The following SEMA3A variants were observed in gnomAD, a reference collection of about 807,000 sequenced individuals.
The protein encoded by SEMA3A is semaphorin-3A.
Under a neutral mutation model 97.9 loss-of-function variants are expected in SEMA3A, and 29 were observed. That is an observed-to-expected ratio of 0.30 (90% CI 0.22 to 0.40). SEMA3A has a LOEUF of 0.40. Among genes scored for constraint, SEMA3A ranks in the 10% least tolerant of loss-of-function variants. The pLI is 1.00. For synonymous variants in SEMA3A, 321 were observed against 323.7 expected (o/e 0.99, Z 0.09); for missense variants, 763 against 951.3 (o/e 0.80, Z 2.60).
chr7:84,064,208 C>A (rs1053518924), intron 4 of SEMA3A, among the ~76,000 whole-genome samples: 2 of 151,962 alleles, frequency 1.3e-5, no homozygotes, highest in South Asian at 2.1e-4. Context: ...ACTTTACAGA[C>A]AAGCAAATGC....
chr7:84,264,993 A>G (rs1248166850), intron 3 of SEMA3A, among the ~76,000 whole-genome samples: 2 of 152,016 alleles, frequency 1.3e-5, no homozygotes, highest in Admixed American at 6.6e-5. Context: ...TCCCTAGTAC[A>G]CTAAGGCTCT....
intron 4 of SEMA3A, among the ~76,000 whole-genome samples, chr7:84,108,669 G>T (rs934860508): frequency 1.3e-5 from 2 of 152,118 alleles, no homozygotes; most frequent in Admixed American, 1.3e-4. Flanking sequence ...ACTTTGGGAG[G>T]CTGAGGTGGG....
intron 6 of SEMA3A, among the ~76,000 whole-genome samples, chr7:84,016,287 C>A (rs150067434): frequency 0.05 from 7,584 of 152,122 alleles, 285 homozygotes; most frequent in East Asian, 0.19. Flanking sequence ...CGCCTGTAAT[C>A]CCTGCACTTT....
Position 84,356,612 on chromosome 7 carries a change from A to C in SEMA3A, c.-169+15212T>G, listed in dbSNP as rs1414684274. ...GAATCATTATGAAATCCAAAGCTTT[A>C]CAATATGCATTTTAGTAAGAAAATA... On this transcript the variant is annotated intron_variant, in intron 2 of 3. Transcript: ENST00000424555. 5.9e-5 allele frequency among the ~76,000 whole-genome samples: 9 copies of C among 152,006 alleles called. No individual in the cohort carries two copies. In the East Asian group the frequency reaches 1.7e-3, roughly 29 times the overall value.
chr7:84,330,588 T>C (rs930332065), intron 2 of SEMA3A, among the ~76,000 whole-genome samples: 4 of 151,940 alleles, frequency 2.6e-5, no homozygotes, highest in Admixed American at 1.3e-4. Flanking sequence ...ACTGGAAGGG[T>C]ATTACCTAGT....
chr7:84,188,282 G>T (rs1453817820), intron 1 of SEMA3A, among the ~76,000 whole-genome samples: 1 of 151,938 alleles, frequency 6.6e-6, no homozygotes, highest in African/African-American at 2.4e-5. Context: ...AGTATAAATT[G>T]TATATTTCCT....
intron 3 of SEMA3A, among the ~76,000 whole-genome samples, chr7:84,275,738 T>C (rs1347020010): frequency 6.6e-6 from 1 of 152,106 alleles, no homozygotes; most frequent in Non-Finnish European, 1.5e-5. Context: ...GAAATGTTGC[T>C]AGTCTAAGTT....
At chr7:84,025,387 A>C (rs1454502306) in intron 6 of SEMA3A, among the ~76,000 whole-genome samples, 2 of 152,194 alleles carry the variant, frequency 1.3e-5, no homozygotes, top group African/African-American at 4.8e-5. Context: ...TTCCCTTTTC[A>C]GCTATGCCAC....
At chr7:84,437,366 A>G (rs917096222) in intron 1 of SEMA3A, among the ~76,000 whole-genome samples, 1 of 151,990 alleles carries the variant, frequency 6.6e-6, no homozygotes, top group Non-Finnish European at 1.5e-5. Flanking sequence ...TCTCCCTTGA[A>G]TGTTTATTTC....
intron 1 of SEMA3A, among the ~76,000 whole-genome samples, chr7:84,395,338 A>G (rs1803698041): frequency 6.9e-6 from 1 of 144,218 alleles, no homozygotes. Context: ...ATGCATAGAT[A>G]CAAATCAAGA....
intron 3 of SEMA3A, among the ~76,000 whole-genome samples, chr7:84,214,527 G>A (rs1798699916): frequency 6.6e-6 from 1 of 151,952 alleles, no homozygotes; most frequent in Non-Finnish European, 1.5e-5. Flanking sequence ...TGTATACAGG[G>A]AACAGTTGAA....
At chr7:84,151,331 G>A (rs2116119763) in intron 1 of SEMA3A, among the ~76,000 whole-genome samples, 1 of 151,166 alleles carries the variant, frequency 6.6e-6, no homozygotes, top group African/African-American at 2.4e-5. Flanking sequence ...CAAAGAAATT[G>A]AAAACTTTGA....
chr7:84,141,868 A>G (rs541892929), intron 1 of SEMA3A, among the ~76,000 whole-genome samples: 2 of 152,182 alleles, frequency 1.3e-5, no homozygotes, highest in East Asian at 3.9e-4. Context: ...ACATGGTCTC[A>G]ATTTTTATGG....
At chr7:83,992,912 C>G (rs548763858) in intron 12 of SEMA3A, among the ~76,000 whole-genome samples, 16 of 150,886 alleles carry the variant, frequency 1.1e-4, no homozygotes, top group South Asian at 1.1e-3. Flanking sequence ...AATGTTGACA[C>G]TGGGGTGTTA....
Position 83,990,344 on chromosome 7 carries a change from T to C in SEMA3A, c.1453-4867A>G, listed in dbSNP as rs1300792533. 2.6e-5 allele frequency among the ~76,000 whole-genome samples: 4 copies of C among 152,064 alleles called. No homozygotes were observed. The East Asian group carries it at 5.8e-4, about 22-fold the overall frequency. ...TTAATTAGATCCCATTTGTCAATTT[T>C]GGCTTTTGTTGCCATGGCTTTTGGT... On this transcript the variant is annotated intron_variant, in intron 12 of 16. Transcript: ENST00000265362.
At chr7:84,349,153 T>A (rs1802377164) in intron 2 of SEMA3A, among the ~76,000 whole-genome samples, 1 of 152,186 alleles carries the variant, frequency 6.6e-6, no homozygotes, top group South Asian at 2.1e-4. Context: ...AGGAGTTACA[T>A]GATCTATTCA....
chr7:84,229,858 T>C (rs1001334730), intron 3 of SEMA3A, among the ~76,000 whole-genome samples: 10 of 152,004 alleles, frequency 6.6e-5, no homozygotes, highest in East Asian at 3.9e-4. Context: ...ATAAAAACAA[T>C]TGTAGTAAAG....
chr7:84,370,793 C>T (rs978654589), intron 2 of SEMA3A, among the ~76,000 whole-genome samples: 8 of 151,394 alleles, frequency 5.3e-5, no homozygotes, highest in African/African-American at 1.9e-4. Context: ...AATAAGGAGA[C>T]ATACAATGGT....
intron 1 of SEMA3A, among the ~76,000 whole-genome samples, chr7:84,395,474 T>A (rs933940987): frequency 1.3e-5 from 2 of 152,018 alleles, no homozygotes; most frequent in African/African-American, 4.8e-5. Flanking sequence ...TTCAGGAAGG[T>A]TTAAACATTT....
Sources: gnomAD v4.1 joint callset for allele counts (sites outside exome capture counted in the v4.1 genomes callset) on GRCh38, gnomAD v4.1.1 for gene constraint, MANE v1.5 for transcripts, NCBI Gene and HGNC (gene_info 2026-07-23, HGNC 2026-07-21) for gene names.